ZMIZ1: variants seen among roughly 807,000 people sequenced by gnomAD.
ZMIZ1 encodes zinc finger MIZ domain-containing protein 1.
Under a neutral mutation model 113.9 loss-of-function variants are expected in ZMIZ1, and 17 were observed. That is an observed-to-expected ratio of 0.15 (90% CI 0.10 to 0.22). ZMIZ1 has a LOEUF of 0.22. Among genes scored for constraint, ZMIZ1 ranks in the 10% least tolerant of loss-of-function variants. The pLI is 1.00. For synonymous variants in ZMIZ1, 607 were observed against 603.1 expected (o/e 1.01, Z -0.09); for missense variants, 1,059 against 1,477.8 (o/e 0.72, Z 4.65).
chr10:79,097,104 C>T (rs1472278387), intron 1 of ZMIZ1, among the ~76,000 whole-genome samples: 1 of 152,198 alleles, frequency 6.6e-6, no homozygotes, highest in Non-Finnish European at 1.5e-5. Context: ...CCACTTGCCC[C>T]CGGGTCGCCA....
At chr10:79,230,313 G>T (rs1268217867) in intron 7 of ZMIZ1, among the ~76,000 whole-genome samples, 2 of 152,152 alleles carry the variant, frequency 1.3e-5, no homozygotes. Flanking sequence ...AGGGTCATCT[G>T]CAGCGTCTGC....
At chr10:79,105,108 G>C (rs11002821) in intron 1 of ZMIZ1, among the ~76,000 whole-genome samples, 15 of 152,120 alleles carry the variant, frequency 9.9e-5, no homozygotes, top group African/African-American at 3.6e-4. Context: ...AAAAAGACTA[G>C]CTTCCCGAGC....
At chr10:79,217,986 G>C (rs1848807487) in intron 7 of ZMIZ1, among the ~76,000 whole-genome samples, 1 of 152,220 alleles carries the variant, frequency 6.6e-6, no homozygotes, top group South Asian at 2.1e-4. Context: ...TTCTGTGCAG[G>C]CACCCAGCAA....
intron 7 of ZMIZ1, among the ~76,000 whole-genome samples, chr10:79,250,370 C>T (rs1385817925): frequency 6.6e-6 from 1 of 152,240 alleles, no homozygotes; most frequent in South Asian, 2.1e-4. Flanking sequence ...TCCAGCATGG[C>T]CACTGTAACA....
At chr10:79,170,866 C>T (rs186767054) in intron 4 of ZMIZ1, among the ~76,000 whole-genome samples, 4 of 152,260 alleles carry the variant, frequency 2.6e-5, no homozygotes, top group East Asian at 3.9e-4. Context: ...CCATGCCTCT[C>T]GTTGTGTGGT....
chr10:79,204,537 ACT>A (rs1848232902), intron 5 of ZMIZ1, among the ~76,000 whole-genome samples: 1 of 151,702 alleles, frequency 6.6e-6, no homozygotes, highest in Non-Finnish European at 1.5e-5. Context: ...TGTCTCACCT[ACT>A]CTGCTCTGTC....
chr10:79,217,652 T>C, intron 7 of ZMIZ1, among the ~76,000 whole-genome samples: 1 of 152,240 alleles, frequency 6.6e-6, no homozygotes, highest in South Asian at 2.1e-4. Flanking sequence ...ATGATGTGTT[T>C]CCATAAATCT....
At chr10:79,215,834 C>T (rs951761325) in intron 6 of ZMIZ1, among the ~76,000 whole-genome samples, 7 of 152,164 alleles carry the variant, frequency 4.6e-5, no homozygotes, top group South Asian at 2.1e-4. Context: ...CCTTAGGGCC[C>T]ACCCTAAGGA....
chr10:79,211,699 G>A (rs61851387), intron 6 of ZMIZ1, among the ~76,000 whole-genome samples: 5,236 of 152,220 alleles, frequency 0.034, 127 homozygotes, highest in Non-Finnish European at 0.054. Context: ...TTAAGGATGC[G>A]GAAGCACAGG....
chr10:79,231,601 C>T (rs7071765), intron 7 of ZMIZ1, among the ~76,000 whole-genome samples: 44,663 of 151,148 alleles, frequency 0.3, 6,931 homozygotes, highest in East Asian at 0.56. Context: ...TGTTTTGAGA[C>T]GGAGTCTCGC....
chr10:79,175,616 GTGTGTGTGTGTGTGGAGGTTTT>G (rs550786828), intron 4 of ZMIZ1, among the ~76,000 whole-genome samples: 1,976 of 114,774 alleles, frequency 0.017, 49 homozygotes, highest in Non-Finnish European at 0.023. Context: ...GTGTGTGTGT[GTGTGTGTGTGTGTGGAGGTTTT>G]TACAGACCCG....
At chr10:79,246,726 G>C (rs2132862884) in intron 7 of ZMIZ1, among the ~76,000 whole-genome samples, 1 of 152,334 alleles carries the variant, frequency 6.6e-6, no homozygotes. Flanking sequence ...GGGCCTGGCA[G>C]AGCAGCAGCT....
chr10:79,180,997 G>A (rs1847101097), intron 4 of ZMIZ1, among the ~76,000 whole-genome samples: 2 of 152,236 alleles, frequency 1.3e-5, no homozygotes, highest in Admixed American at 6.5e-5. Context: ...GGAAACAGAG[G>A]CTGAGTGAAG....
At chr10:79,302,653 A>ATT (rs1854383833) in intron 18 of ZMIZ1, among the ~76,000 whole-genome samples, 1 of 134,654 alleles carries the variant, frequency 7.4e-6, no homozygotes, top group Non-Finnish European at 1.6e-5. Context: ...TGGATTCCAG[A>ATT]TTGGCCTCCC....
At chr10:79,223,473 G>A (rs1370790994) in intron 7 of ZMIZ1, among the ~76,000 whole-genome samples, 1 of 152,192 alleles carries the variant, frequency 6.6e-6, no homozygotes, top group Non-Finnish European at 1.5e-5. Flanking sequence ...TCCTCCTGCT[G>A]GGCTGTCTCC....
chr10:79,211,931 T>C (rs906730385), intron 6 of ZMIZ1, among the ~76,000 whole-genome samples: 1 of 152,144 alleles, frequency 6.6e-6, no homozygotes, highest in South Asian at 2.1e-4. Context: ...ATCTCCCCAA[T>C]GAGGACGCCC....
chr10:79,275,171 C>G (rs575783336), intron 7 of ZMIZ1, among the ~76,000 whole-genome samples: 3 of 152,228 alleles, frequency 2.0e-5, no homozygotes, highest in Non-Finnish European at 4.4e-5. Flanking sequence ...CTGGCCTGCC[C>G]GAATAGGCTG....
chr10:79,150,201 C>T (rs910845105), intron 3 of ZMIZ1, among the ~76,000 whole-genome samples: 5 of 152,184 alleles, frequency 3.3e-5, no homozygotes, highest in East Asian at 1.9e-4. Context: ...TAGGCCTCGG[C>T]GAGTGGCCAC....
In ZMIZ1 at chr10:79,310,957, C is replaced by T. The variant is rs1855110372; in HGVS notation, c.2869C>T (p.Pro957Ser). 1.2e-6 allele frequency: 2 copies of T among 1,613,938 alleles called. No homozygotes were observed. The highest frequency in any genetic ancestry group is 1.7e-6 in the Non-Finnish European group (2 of 1,179,964). The change falls in exon 24 of 25, where the codon CCC (proline) becomes TCC (serine). Residue 957 changes from proline (P) to serine (S), a missense_variant. Physicochemically the swap from Pro to Ser is moderately conservative, Grantham distance 74. Transcript: ENST00000334512. ...PHAGSSDQPH[P>S]SIQQGLHVPH... ...CGCTGGCAGCTCTGACCAGCCCCAC[C>T]CCTCCATACAACAAGGTTTGCACGT...
Sources: allele counts gnomAD v4.1 joint callset (sites outside exome capture counted in the v4.1 genomes callset), GRCh38; gene constraint gnomAD v4.1.1; transcripts MANE v1.5; gene names NCBI Gene and HGNC (gene_info 2026-07-23, HGNC 2026-07-21).